The following NOL4 variants were observed in gnomAD, a reference collection of about 807,000 sequenced individuals.
NOL4 encodes the protein cancer/testis antigen 125.
Under a neutral mutation model 75.9 loss-of-function variants are expected in NOL4, and 17 were observed. The observed-to-expected ratio is 0.22, with a 90% confidence interval of 0.15 to 0.34. NOL4 has a LOEUF of 0.34. Ranked by LOEUF, NOL4 falls within the 10% of genes least tolerant of loss-of-function variation. NOL4 has a pLI of 1.00. For missense variants in NOL4, 614 were observed against 793.5 expected (o/e 0.77, Z 2.72); for synonymous variants, 292 against 289.9 (o/e 1.01, Z -0.07).
At chr18:34,163,302 T>C (rs964564297) in intron 1 of NOL4, among the ~76,000 whole-genome samples, 1 of 151,816 alleles carries the variant, frequency 6.6e-6, no homozygotes, top group Non-Finnish European at 1.5e-5. Context: ...AGTCAAATTG[T>C]CCCTGTTTGC....
intron 5 of NOL4, among the ~76,000 whole-genome samples, chr18:34,058,461 C>T (rs934907254): frequency 1.3e-5 from 2 of 152,050 alleles, no homozygotes; most frequent in African/African-American, 4.8e-5. Flanking sequence ...TTGTTTTTGC[C>T]CCTGCTTTGT....
intron 5 of NOL4, among the ~76,000 whole-genome samples, chr18:34,082,631 C>T (rs1344118979): frequency 6.6e-6 from 1 of 152,152 alleles, no homozygotes. Context: ...TGCTGGCATG[C>T]TTTAAGAGAG....
intron 1 of NOL4, among the ~76,000 whole-genome samples, chr18:34,167,979 T>C (rs377655642): frequency 3.9e-5 from 6 of 152,064 alleles, no homozygotes; most frequent in South Asian, 2.1e-4. Flanking sequence ...ATTGAAACAA[T>C]TGAGTTCCTG....
At position 34,223,245 on chromosome 18, in the gene NOL4, G is replaced by T. The variant is rs367692716; in HGVS notation, c.9C>A (p.Ser3Arg). Residue 3 changes from serine (S) to arginine (R), a missense_variant, in exon 1 of 11, where the codon AGC becomes AGA. Physicochemically the swap from Ser to Arg is moderately radical, Grantham distance 110 (BLOSUM62 -1). Around this residue, in one of 9 missense-constraint regions of NOL4, gnomAD observed 15 missense variants for 18.2 expected, o/e 0.83. Transcript: ENST00000261592. The stretch of plus-strand genomic sequence containing the variant: ...GGAACTGGCGGTACATGTCGCGCTC[G>T]CTCTCCATGTTCCCCGCGCTCGGCC... ME[S>R]ERDMYRQFQD... is the part of the protein sequence containing the mutation. 6.2e-6 allele frequency: 10 copies of T among 1,613,528 alleles called. No homozygotes were observed. Among genetic ancestry groups the T allele is most frequent in the Middle Eastern group, 1.7e-4 (1 of 6,060 alleles).
intron 1 of NOL4, among the ~76,000 whole-genome samples, chr18:34,187,017 G>A (rs976331556): frequency 2.4e-4 from 36 of 152,256 alleles, no homozygotes; most frequent in African/African-American, 7.7e-4. Context: ...CACAGTTGAT[G>A]AATCTACCTT....
intron 8 of NOL4, among the ~76,000 whole-genome samples, chr18:33,957,116 A>G (rs1476018609): frequency 1.3e-5 from 2 of 152,136 alleles, no homozygotes; most frequent in Non-Finnish European, 1.5e-5. Context: ...TGGACTCACA[A>G]GATATTCCTT....
intron 1 of NOL4, among the ~76,000 whole-genome samples, chr18:34,205,245 T>C (rs1222867653): frequency 6.6e-6 from 1 of 152,118 alleles, no homozygotes; most frequent in African/African-American, 2.4e-5. Flanking sequence ...GATGAAGTAA[T>C]AGACAGTTTT....
chr18:34,070,156 C>G (rs948653992), intron 5 of NOL4, among the ~76,000 whole-genome samples: 12 of 152,210 alleles, frequency 7.9e-5, no homozygotes, highest in African/African-American at 1.9e-4. Context: ...CTCAGCCTCC[C>G]CAGTAGCTGG....
At chr18:34,014,181 AAACT>A (rs1231793823) in intron 6 of NOL4, among the ~76,000 whole-genome samples, 25 of 152,104 alleles carry the variant, frequency 1.6e-4, no homozygotes, top group African/African-American at 5.3e-4. Context: ...AATATTTTAT[AAACT>A]AACTGGTAGT....
intron 2 of NOL4, among the ~76,000 whole-genome samples, chr18:34,125,241 G>A (rs563267081): frequency 6.6e-6 from 1 of 152,172 alleles, no homozygotes; most frequent in Non-Finnish European, 1.5e-5. Flanking sequence ...AGACTTCCTG[G>A]CATGAATCAA....
intron 9 of NOL4, among the ~76,000 whole-genome samples, chr18:33,901,201 AC>A (rs2144984316): frequency 1.3e-5 from 2 of 152,272 alleles, no homozygotes; most frequent in African/African-American, 4.8e-5. Context: ...AAGACTATAA[AC>A]CCAACCAAAA....
intron 1 of NOL4, among the ~76,000 whole-genome samples, chr18:34,210,032 A>G (rs1416880900): frequency 1.2e-4 from 18 of 152,204 alleles, no homozygotes; most frequent in Admixed American, 8.5e-4. Context: ...TGTTAATTTA[A>G]AAAGCTCTTG....
rs193030237 is a variant in NOL4 at position 34,043,979 on chromosome 18, A to G, written c.773-24378T>C. ...GGGATAAATAAAAAGAGTTCCATCC[A>G]TATCTATCAAGAAGATAGAGAAATT... On this transcript the variant is annotated intron_variant, in intron 5 of 10. Transcript: ENST00000261592. Among the ~76,000 whole-genome samples the G allele has an allele frequency of 2.6e-5, 4 of 152,232 alleles. No homozygotes were observed. The East Asian group carries it at 5.8e-4, about 22-fold the overall frequency.
At chr18:34,047,692 G>T (rs2076444432) in intron 5 of NOL4, among the ~76,000 whole-genome samples, 1 of 152,022 alleles carries the variant, frequency 6.6e-6, no homozygotes, top group South Asian at 2.1e-4. Flanking sequence ...AAGGTTTCTA[G>T]CTTCTAAGCT....
intron 1 of NOL4, among the ~76,000 whole-genome samples, chr18:34,145,213 T>C (rs2081348313): frequency 6.6e-6 from 1 of 152,092 alleles, no homozygotes; most frequent in African/African-American, 2.4e-5. Flanking sequence ...TTATGGAAAT[T>C]GTAATAGAGA....
intron 1 of NOL4, among the ~76,000 whole-genome samples, chr18:34,130,713 A>G (rs1296541455): frequency 6.6e-6 from 1 of 152,176 alleles, no homozygotes; most frequent in Non-Finnish European, 1.5e-5. Context: ...ATGAAATGAC[A>G]TATTTAAAGG....
chr18:34,142,736 C>T (rs1417498410), intron 1 of NOL4, among the ~76,000 whole-genome samples: 3 of 151,928 alleles, frequency 2.0e-5, no homozygotes, highest in South Asian at 2.1e-4. Context: ...ATGTAAATGA[C>T]GAGTTAATGG....
intron 1 of NOL4, among the ~76,000 whole-genome samples, chr18:34,176,657 T>C (rs1476305742): frequency 2.6e-5 from 4 of 152,094 alleles, no homozygotes; most frequent in African/African-American, 9.7e-5. Flanking sequence ...TGTAGAAATA[T>C]TGAGAGCATG....
At chr18:33,931,484 A>G (rs887286666) in intron 9 of NOL4, among the ~76,000 whole-genome samples, 1 of 152,054 alleles carries the variant, frequency 6.6e-6, no homozygotes, top group African/African-American at 2.4e-5. Context: ...TCATCCTAGT[A>G]CTTTGGGAGG....
Sources: gnomAD v4.1 joint callset for allele counts (sites outside exome capture counted in the v4.1 genomes callset) on GRCh38, gnomAD v4.1.1 for gene constraint, gnomAD v4.1.1 regional missense constraint, MANE v1.5 for transcripts, NCBI Gene and HGNC (gene_info 2026-07-23, HGNC 2026-07-21) for gene names.